The following ZNF808 variants were observed in gnomAD, a reference collection of about 807,000 sequenced individuals.
ZNF808 encodes zinc finger protein 808.
ZNF808 carries 5 observed loss-of-function variants against 8.7 expected under a neutral mutation model. The ratio of observed to expected loss-of-function variants is 0.58; its 90% CI spans 0.30 to 1.21. The LOEUF is 1.21. Ranked by LOEUF, ZNF808 falls within the 50% of genes most tolerant of loss-of-function variation. The probability of loss-of-function intolerance (pLI) is 0.07; values close to 1 mark genes in which losing one functional copy is unlikely to be tolerated. For missense variants in ZNF808, 1,103 were observed against 1,098.4 expected (o/e 1.00, Z -0.06); for synonymous variants, 380 against 366.0 (o/e 1.04, Z -0.44).
At position 52,555,403 on chromosome 19, in the gene ZNF808, T is replaced by C. The variant is rs1293270612; in HGVS notation, c.2487T>C (p.Asn829=). Residue 829 remains asparagine, a synonymous_variant, in exon 5 of 5, where the codon AAT becomes AAC. Coordinates refer to ENST00000359798, the MANE Select transcript of ZNF808 (RefSeq NM_001039886.4). ...YKCNECGKAF[N]EQSHLSRHHR... ...GTAATGAATGTGGAAAGGCTTTTAA[T>C]GAACAATCACACCTTTCACGTCATC... 1 of 1,614,032 alleles carries C rather than the reference T, an allele frequency of 6.2e-7. No homozygotes were observed. Among genetic ancestry groups the C allele is most frequent in the Non-Finnish European group, 8.5e-7 (1 of 1,180,010 alleles).
rs148664468 is a variant in ZNF808 at position 52,535,572 on chromosome 19, C to A, written c.-20+2563C>A. Among the ~76,000 whole-genome samples the A allele has an allele frequency of 2.4e-3, 371 of 152,240 alleles. 1 individual carries two copies. The highest frequency in any genetic ancestry group is 5.5e-3 in the African/African-American group (228 of 41,540). Reference sequence around the variant, plus strand: ...TCACTCCTCCCTGGCCTGAGCACTCCGTCCCGCATCCCAGGCGGAGGCCCT... The same window carrying A: ...TCACTCCTCCCTGGCCTGAGCACTCAGTCCCGCATCCCAGGCGGAGGCCCT... On this transcript the variant is annotated intron_variant, in intron 2 of 4. Coordinates refer to ENST00000359798, the MANE Select transcript of ZNF808 (RefSeq NM_001039886.4).
chr19:52,535,608 C>T (rs62117199), intron 2 of ZNF808, among the ~76,000 whole-genome samples: 33,010 of 152,076 alleles, frequency 0.22, 4,075 homozygotes, highest in East Asian at 0.5. Context: ...AGGGAAGTCT[C>T]TGAAGCTGAG....
intron 2 of ZNF808, among the ~76,000 whole-genome samples, chr19:52,538,837 A>G (rs545007135): frequency 6.6e-6 from 1 of 152,280 alleles, no homozygotes; most frequent in African/African-American, 2.4e-5. Flanking sequence ...AAGTGATGAC[A>G]TGTTGTTTTC....
chr19:52,547,824 C>G (rs184485588), intron 4 of ZNF808, among the ~76,000 whole-genome samples, 186 bp downstream of exon 4: 12 of 150,216 alleles, frequency 8.0e-5, no homozygotes, highest in Admixed American at 3.3e-4. Context: ...ACCATAACCT[C>G]CGCCTTCCAG....
downstream of ZNF808, among the ~76,000 whole-genome samples, chr19:52,559,826 C>T (rs1187370600): frequency 1.3e-5 from 2 of 152,058 alleles, no homozygotes; most frequent in East Asian, 3.9e-4. Context: ...TTCCAGATTA[C>T]AGTGATTCTG....
chr19:52,546,286 C>T (rs1338582145), intron 3 of ZNF808, among the ~76,000 whole-genome samples: 2 of 150,054 alleles, frequency 1.3e-5, no homozygotes, highest in African/African-American at 4.9e-5. Context: ...CTCCTGATTT[C>T]AAGCAATTCT....
intron 2 of ZNF808, among the ~76,000 whole-genome samples, chr19:52,537,436 C>T (rs549682729): frequency 1.1e-4 from 17 of 152,130 alleles, no homozygotes; most frequent in Non-Finnish European, 2.4e-4. Flanking sequence ...CCTGTAATCC[C>T]AGCACTTTAG....
chr19:52,558,017 C>CTT (rs66789100), downstream of ZNF808, among the ~76,000 whole-genome samples: 3,782 of 46,324 alleles, frequency 0.082, 667 homozygotes, highest in East Asian at 0.29. Flanking sequence ...CTAGGTGTGG[C>CTT]TTTTTTTTTT....
downstream of ZNF808, among the ~76,000 whole-genome samples, chr19:52,558,511 A>G (rs1027554731): frequency 3.3e-5 from 5 of 152,048 alleles, no homozygotes; most frequent in South Asian, 4.1e-4. Context: ...AGCTGGGACT[A>G]TAGGCGTGTG....
At chr19:52,542,290 C>T (rs55930753) in intron 2 of ZNF808, among the ~76,000 whole-genome samples, 2,729 of 152,126 alleles carry the variant, frequency 0.018, 71 homozygotes, top group African/African-American at 0.062. Flanking sequence ...AAAACCATGT[C>T]CCTATGGGTC....
At chr19:52,548,448 A>C (rs899421569) in intron 4 of ZNF808, among the ~76,000 whole-genome samples, 8 of 151,964 alleles carry the variant, frequency 5.3e-5, no homozygotes, top group African/African-American at 1.7e-4. Flanking sequence ...TTTTTCTCAT[A>C]GTCTTGCTCT....
intron 2 of ZNF808, among the ~76,000 whole-genome samples, chr19:52,534,941 C>A (rs1307598496): frequency 1.3e-5 from 2 of 151,738 alleles, no homozygotes; most frequent in South Asian, 2.1e-4. Flanking sequence ...AGATCTCTTT[C>A]ACAAATGTGC....
chr19:52,557,481 T>C (rs376045127), downstream of ZNF808, among the ~76,000 whole-genome samples: 5 of 152,188 alleles, frequency 3.3e-5, no homozygotes, highest in East Asian at 7.7e-4. Context: ...TGGGCCAAGC[T>C]GGTCTCGAAC....
intron 3 of ZNF808, among the ~76,000 whole-genome samples, chr19:52,562,877 G>C (rs1440930972): frequency 1.3e-5 from 2 of 151,972 alleles, no homozygotes; most frequent in Non-Finnish European, 2.9e-5. Context: ...TGGTTCAAAT[G>C]ATTCTTCTGC....
At chr19:52,559,339 G>A (rs1409352083), downstream of ZNF808, among the ~76,000 whole-genome samples, 2 of 152,176 alleles carry the variant, frequency 1.3e-5, no homozygotes, top group African/African-American at 4.8e-5. Context: ...TTATGTATAT[G>A]CACATCAAAA....
Position 52,529,908 on chromosome 19 carries a change from TA to T in ZNF808, c.-122+2198del, listed in dbSNP as rs1364458657. On this transcript the variant is annotated intron_variant, in intron 1 of 4. Transcript: ENST00000359798. ...GCTAGTTTACATATATATATATATATATATTTTTTTTTTTTGTAGAAACGTG... is the reference window on the plus strand; with the variant it reads ...GCTAGTTTACATATATATATATATATTATTTTTTTTTTTTGTAGAAACGTG... 1.3e-3 allele frequency among the ~76,000 whole-genome samples: 148 copies of T among 114,864 alleles called. 2 individuals are homozygous for T. The highest frequency in any genetic ancestry group is 5.7e-3 in the African/African-American group (140 of 24,688). 75.4% of individuals were successfully genotyped at this position (114,864 alleles called of 152,430 possible). A position where few individuals can be genotyped will look rare whatever the true frequency, so the allele number is the denominator to read the frequency against.
intron 1 of ZNF808, among the ~76,000 whole-genome samples, chr19:52,528,512 A>G (rs1351198618): frequency 1.3e-5 from 2 of 152,190 alleles, no homozygotes; most frequent in African/African-American, 4.8e-5. Flanking sequence ...AAAGCAACAA[A>G]ATACCTAGAA....
chr19:52,559,087 C>T (rs998627181), downstream of ZNF808, among the ~76,000 whole-genome samples: 1 of 152,194 alleles, frequency 6.6e-6, no homozygotes, highest in Non-Finnish European at 1.5e-5. Context: ...AGGGAAAGAC[C>T]TGACCATCCC....
At position 52,555,253 on chromosome 19, in the gene ZNF808, A is replaced by G. The variant is rs2123209907; in HGVS notation, c.2337A>G (p.Val779=). 4 of 1,614,012 alleles carry G rather than the reference A, an allele frequency of 2.5e-6. No homozygotes were observed. The highest frequency in any genetic ancestry group is 2.5e-6 in the Non-Finnish European group (3 of 1,180,020). The change falls in exon 5 of 5, where the codon GTA becomes GTG. Residue 779 remains valine, a synonymous_variant. Coordinates refer to ENST00000359798, the MANE Select transcript of ZNF808 (RefSeq NM_001039886.4). ...CCTTCCGTCACTGGTCATCCCTTGT[A>G]TACCATCGTAGACTTCATACTGGAG... is the stretch of plus-strand genomic sequence containing the variant. The part of the protein sequence containing the change: ...GNTFRHWSSL[V]YHRRLHTGEK...
Sources: gnomAD v4.1 joint callset for allele counts (sites outside exome capture counted in the v4.1 genomes callset) on GRCh38, gnomAD v4.1.1 for gene constraint, MANE v1.5 for transcripts, NCBI Gene and HGNC (gene_info 2026-07-23, HGNC 2026-07-21) for gene names.